TRIM9: variants seen among roughly 807,000 people sequenced by gnomAD.
TRIM9 encodes tripartite motif containing 9, also known as E3 ubiquitin-protein ligase TRIM9.
Under a neutral mutation model 78.3 loss-of-function variants are expected in TRIM9, and 26 were observed. That is an observed-to-expected ratio of 0.33 (90% CI 0.24 to 0.46). The LOEUF (loss-of-function observed/expected upper bound fraction) is 0.46. Ranked by LOEUF, TRIM9 falls within the 20% of genes least tolerant of loss-of-function variation. The probability of loss-of-function intolerance (pLI) is 1.00; values close to 1 mark genes in which losing one functional copy is unlikely to be tolerated. For missense variants in TRIM9, 787 were observed against 1,036.4 expected (o/e 0.76, Z 3.30); for synonymous variants, 398 against 416.5 (o/e 0.96, Z 0.54).
intron 1 of TRIM9, among the ~76,000 whole-genome samples, chr14:51,076,980 C>T (rs984123853): frequency 2.6e-5 from 4 of 152,220 alleles, no homozygotes; most frequent in Non-Finnish European, 5.9e-5. Context: ...CCTCTTCAGA[C>T]GCATCTAGTC....
At chr14:51,002,127 T>G (rs1203009769) in intron 5 of TRIM9, among the ~76,000 whole-genome samples, 3 of 151,238 alleles carry the variant, frequency 2.0e-5, no homozygotes, top group Admixed American at 1.3e-4. Flanking sequence ...GTGTGTGTGT[T>G]TTTCTTTTTT....
chr14:51,020,891 G>A (rs1184507505), intron 3 of TRIM9, among the ~76,000 whole-genome samples: 1 of 152,156 alleles, frequency 6.6e-6, no homozygotes, highest in Non-Finnish European at 1.5e-5. Context: ...TGTGACTGTC[G>A]CAAACTGTTC....
chr14:51,007,295 C>T (rs2055938751), intron 5 of TRIM9, among the ~76,000 whole-genome samples: 2 of 152,056 alleles, frequency 1.3e-5, no homozygotes, highest in Admixed American at 1.3e-4. Flanking sequence ...AGAGGCTGAT[C>T]CAGGGGGATT....
intron 7 of TRIM9, 186 bp from the exon 8 acceptor site, chr14:50,986,330 A>G (rs2052707402): frequency 2.4e-6 from 1 of 417,444 alleles, no homozygotes; most frequent in Non-Finnish European, 4.1e-6. Context: ...GCAGATCAGG[A>G]CCCAAGACCA....
chr14:51,035,028 T>C (rs2059021361), intron 1 of TRIM9, among the ~76,000 whole-genome samples: 2 of 146,700 alleles, frequency 1.4e-5, no homozygotes, highest in Non-Finnish European at 3.1e-5. Context: ...GGAAAATATT[T>C]ATAACACATT....
intron 5 of TRIM9, among the ~76,000 whole-genome samples, chr14:51,004,861 G>A (rs116722940): frequency 6.0e-4 from 91 of 152,254 alleles, no homozygotes; most frequent in African/African-American, 2.1e-3. Context: ...AAGTCTGCAC[G>A]TCTAATTCCC....
At chr14:51,085,314 C>T (rs1429885234) in intron 1 of TRIM9, among the ~76,000 whole-genome samples, 5 of 152,146 alleles carry the variant, frequency 3.3e-5, no homozygotes, top group Admixed American at 6.5e-5. Context: ...TGGCTATTCC[C>T]GCACCAAAGA....
intron 3 of TRIM9, among the ~76,000 whole-genome samples, chr14:51,010,830 T>A (rs972352602): frequency 6.6e-6 from 1 of 152,128 alleles, no homozygotes; most frequent in Non-Finnish European, 1.5e-5. Flanking sequence ...TGCTGAGCGA[T>A]GTTTGCTGGG....
At chr14:50,980,638 A>G (rs1398610460) in intron 11 of TRIM9, among the ~76,000 whole-genome samples, 1 of 152,254 alleles carries the variant, frequency 6.6e-6, no homozygotes, top group African/African-American at 2.4e-5. Flanking sequence ...ACTTCAAAAC[A>G]AAGACGCTAA....
At chr14:50,989,350 A>G (rs1378924141) in intron 7 of TRIM9, among the ~76,000 whole-genome samples, 2 of 152,216 alleles carry the variant, frequency 1.3e-5, no homozygotes, top group Non-Finnish European at 2.9e-5. Flanking sequence ...GGGATGCAGG[A>G]AGAAGGCACA....
rs2139478816 is a variant in TRIM9 at position 50,997,816 on chromosome 14, G to A, written c.1603+234C>T. ...CAGCTTATTTAGATTGTTATCAAAG[G>A]AAGCCGCCGGCCCAAGCCATTGGAA... On this transcript the variant is annotated intron_variant, in intron 7 of 12. Coordinates refer to ENST00000684578, the MANE Select transcript of TRIM9 (RefSeq NM_001387360.1). 2.9e-6 allele frequency: 4 copies of A among 1,378,786 alleles called. No individual in the cohort carries two copies. The East Asian group carries it at 1.0e-4, about 35-fold the overall frequency. 85.4% of individuals were successfully genotyped at this position (1,378,786 alleles called of 1,614,324 possible).
chr14:51,059,076 T>C (rs8008268), intron 1 of TRIM9, among the ~76,000 whole-genome samples: 45,288 of 152,096 alleles, frequency 0.3, 7,289 homozygotes, highest in African/African-American at 0.41. Flanking sequence ...GCCAGGCCTA[T>C]GACCAACCCC....
At chr14:50,998,259 T>C in intron 6 of TRIM9, 71 bp from the exon 7 acceptor site, 5 of 1,495,294 alleles carry the variant, frequency 3.3e-6, no homozygotes, top group Non-Finnish European at 4.6e-6. Context: ...GCAGTGTCGC[T>C]CAGTGGTTAG....
intron 1 of TRIM9, among the ~76,000 whole-genome samples, chr14:51,028,031 C>A (rs780748603): frequency 1.3e-5 from 2 of 152,158 alleles, no homozygotes; most frequent in Non-Finnish European, 2.9e-5. Context: ...ATAAGACAGA[C>A]TTGATACCCA....
At chr14:50,983,557 A>T (rs569530729) in intron 8 of TRIM9, 136 bp from the exon 9 acceptor site, 166 of 508,754 alleles carry the variant, frequency 3.3e-4, no homozygotes, top group Non-Finnish European at 4.9e-4. Context: ...CCCTTTTTAT[A>T]TTATTTAGTT....
At chr14:50,978,981 G>C in intron 12 of TRIM9, 1 of 1,140,620 alleles carries the variant, frequency 8.8e-7, no homozygotes, top group Non-Finnish European at 1.1e-6. Flanking sequence ...CAGATTTTCT[G>C]ATAATGATAC....
chr14:50,988,396 A>G (rs2053008196), intron 7 of TRIM9: 2 of 152,166 alleles, frequency 1.3e-5, no homozygotes, highest in South Asian at 4.2e-4. Flanking sequence ...ACCCCTTTAT[A>G]GGGTGGGGAC....
Position 50,982,115 on chromosome 14 carries a change from AG to A in TRIM9, c.1859-13del. 1 of 1,613,060 alleles carries A rather than the reference AG, an allele frequency of 6.2e-7. No homozygotes were observed. Among genetic ancestry groups the A allele is most frequent in the Non-Finnish European group, 8.5e-7 (1 of 1,179,168 alleles). ...AGCAAACCAGGCCACTGGGAACAACAGAAGGGAATCAGGTTATTAAGACAGA... is the reference window on the plus strand; with the variant it reads ...AGCAAACCAGGCCACTGGGAACAACAAAGGGAATCAGGTTATTAAGACAGA... On this transcript the variant is annotated splice_polypyrimidine_tract_variant and intron_variant, in intron 10 of 12. Coordinates refer to ENST00000684578, the MANE Select transcript of TRIM9 (RefSeq NM_001387360.1).
chr14:51,040,117 C>A (rs924709446), intron 1 of TRIM9, among the ~76,000 whole-genome samples: 1 of 152,112 alleles, frequency 6.6e-6, no homozygotes, highest in Non-Finnish European at 1.5e-5. Context: ...AAAGTATATG[C>A]GGATAAAGTC....
Sources: allele counts gnomAD v4.1 joint callset (sites outside exome capture counted in the v4.1 genomes callset), GRCh38; gene constraint gnomAD v4.1.1; transcripts MANE v1.5; gene names NCBI Gene and HGNC (gene_info 2026-07-23, HGNC 2026-07-21).